IARS1: variants seen among roughly 807,000 people sequenced by gnomAD.
IARS1 encodes isoleucyl-tRNA synthetase 1.
IARS1 carries 124 observed loss-of-function variants against 168.2 expected under a neutral mutation model. The ratio of observed to expected loss-of-function variants is 0.74; its 90% confidence interval spans 0.64 to 0.86. The LOEUF (loss-of-function observed/expected upper bound fraction) is 0.86, where lower values mean the gene tolerates loss of function less well. Among genes scored for constraint, IARS1 ranks in the 40% least tolerant of loss-of-function variants. IARS1 has a pLI of 0.00. For synonymous variants in IARS1, 532 were observed against 529.4 expected (o/e 1.00, Z -0.07); for missense variants, 1,452 against 1,515.8 (o/e 0.96, Z 0.70).
At chr9:92,261,246 C>CT (rs1831481056) in intron 17 of IARS1, among the ~76,000 whole-genome samples, 1 of 151,632 alleles carries the variant, frequency 6.6e-6, no homozygotes, top group South Asian at 2.1e-4. Flanking sequence ...GAGGTGGAGG[C>CT]TGCAGTGAGC....
intron 30 of IARS1, chr9:92,240,581 G>T: frequency 1.5e-6 from 1 of 653,380 alleles, no homozygotes; most frequent in African/African-American, 1.9e-5. Flanking sequence ...TTTAATTGAG[G>T]CAGGATCTTA....
At chr9:92,234,596 C>T (rs1313122428) in intron 30 of IARS1, among the ~76,000 whole-genome samples, 1 of 152,206 alleles carries the variant, frequency 6.6e-6, no homozygotes. Flanking sequence ...TTCTTGTTTA[C>T]ATTACTGATG....
Position 92,277,902 on chromosome 9 carries a change from T to C in IARS1, c.855A>G (p.Lys285=). The C allele has an allele frequency of 6.2e-7, 1 of 1,613,882 alleles. No homozygotes were observed. The highest frequency in any genetic ancestry group is 8.5e-7 in the Non-Finnish European group (1 of 1,179,882). The change falls in exon 9 of 34, where the codon AAA becomes AAG. Residue 285 remains lysine (K), a synonymous_variant. Coordinates refer to ENST00000443024, the MANE Select transcript of IARS1 (RefSeq NM_002161.6). ...CAAACAGGGGCCTGTACTTCTTGCC[T>C]TTAAGATAGGCACCAGGAAATCTAG... is the stretch of plus-strand genomic sequence containing the variant. The part of the protein sequence containing the change: ...ILERFPGAYL[K]GKKYRPLFDY...
At chr9:92,216,305 C>T (rs1388074240) in intron 33 of IARS1, among the ~76,000 whole-genome samples, 5 of 151,532 alleles carry the variant, frequency 3.3e-5, no homozygotes, top group African/African-American at 1.2e-4. Context: ...CCGGTACCAG[C>T]TGCTGCAAAA....
chr9:92,256,658 G>A (rs1211053747), intron 20 of IARS1, 22 bp downstream of exon 20: 4 of 1,608,008 alleles, frequency 2.5e-6, no homozygotes, highest in Non-Finnish European at 2.6e-6. Context: ...ATTCCTGGGA[G>A]GACAGACCAA....
At chr9:92,247,044 A>G (rs931222806) in intron 26 of IARS1, among the ~76,000 whole-genome samples, 2 of 152,092 alleles carry the variant, frequency 1.3e-5, no homozygotes, top group Admixed American at 1.3e-4. Context: ...AAATACAAAA[A>G]TTAGCCAGGC....
In IARS1 at chr9:92,264,979, A is replaced by G. The variant is rs1832077321; in HGVS notation, c.1650T>C (p.Asp550=). ...YPFENKREFE[D]AFPADFIAEG... is the part of the protein sequence containing the mutation. ...CGGCAATGAAATCTGCAGGAAAAGC[A>G]TCCTCAAACTCCCTCTTGTTTTCAA... Residue 550 remains aspartate, a synonymous_variant, in exon 16 of 34, where the codon GAT becomes GAC. Transcript: ENST00000443024. 2 of 1,614,078 alleles carry G rather than the reference A, an allele frequency of 1.2e-6. No homozygotes were observed. The highest frequency in any genetic ancestry group is 1.7e-6 in the Non-Finnish European group (2 of 1,180,030).
intron 30 of IARS1, among the ~76,000 whole-genome samples, chr9:92,229,735 C>T (rs1395865388): frequency 6.6e-6 from 1 of 152,180 alleles, no homozygotes; most frequent in Non-Finnish European, 1.5e-5. Context: ...TGACATTTTA[C>T]AAAACTACAG....
chr9:92,253,760 C>A lies in IARS1; in HGVS notation c.2138-307G>T. On this transcript the variant is annotated intron_variant, in intron 20 of 33. Coordinates refer to ENST00000443024, the MANE Select transcript of IARS1 (RefSeq NM_002161.6). ...GATCAAAGTCCAAGACTGCCCACTA[C>A]ACAACTGTAGGAAGTGCCATTTACA... is the stretch of plus-strand genomic sequence containing the variant. 4 of 512,202 alleles carry A rather than the reference C, an allele frequency of 7.8e-6. No homozygotes were observed. The Admixed American group carries it at 9.1e-5, about 12-fold the overall frequency. 31.7% of individuals were successfully genotyped at this position (512,202 alleles called of 1,614,324 possible). A position where few individuals can be genotyped will look rare whatever the true frequency, so the allele number is the denominator to read the frequency against.
intron 31 of IARS1, 122 bp downstream of exon 31, chr9:92,228,879 G>C: frequency 9.3e-7 from 1 of 1,073,132 alleles, no homozygotes; most frequent in Non-Finnish European, 1.4e-6. Context: ...TGAAGAGTTG[G>C]GCCCTGACTC....
At chr9:92,282,297 ATT>A (rs1423141648) in intron 6 of IARS1, among the ~76,000 whole-genome samples, 1 of 151,442 alleles carries the variant, frequency 6.6e-6, no homozygotes, top group Non-Finnish European at 1.5e-5. Flanking sequence ...ATCAAAATTA[ATT>A]TTTTTCTTTT....
In IARS1 at chr9:92,268,419, C is replaced by T. The variant is rs539988360; in HGVS notation, c.1305-119G>A. On this transcript the variant is annotated intron_variant, in intron 13 of 33. Transcript: ENST00000443024. The stretch of plus-strand genomic sequence containing the variant: ...TGGACCAAACACTCTGGAAACGTGG[C>T]GCTCACTGCAAAGAGAATGTCTTCT... The T allele has an allele frequency of 1.6e-4, 149 of 943,280 alleles. 1 individual carries two copies. Among genetic ancestry groups the T allele is most frequent in the South Asian group, 1.3e-3 (86 of 67,328 alleles). 58.4% of individuals were successfully genotyped at this position (943,280 alleles called of 1,614,324 possible). A position where few individuals can be genotyped will look rare whatever the true frequency, so the allele number is the denominator to read the frequency against.
chr9:92,273,558 T>C (rs1442863882), intron 10 of IARS1, among the ~76,000 whole-genome samples: 1 of 152,202 alleles, frequency 6.6e-6, no homozygotes, highest in Non-Finnish European at 1.5e-5. Flanking sequence ...AAAGAATCTA[T>C]TATCATATTT....
Position 92,260,233 on chromosome 9 carries a change from C to G in IARS1, c.1789G>C (p.Asp597His), listed in dbSNP as rs1163483625. Residue 597 changes from aspartate to histidine, a missense_variant and splice_region_variant, in exon 18 of 34, where the codon GAT (aspartate) becomes CAT (histidine). By Grantham distance (81) the Asp-to-His change is moderately conservative. Coordinates refer to ENST00000443024, the MANE Select transcript of IARS1 (RefSeq NM_002161.6). ...VIVNGLVLAS[D>H]GQKMSKRKKN... is the part of the protein sequence containing the mutation. ...TTCCGTTTGCTCATTTTTTGGCCAT[C>G]ACTTGTAAAACAAAAGGGAGATGCC... 1 of 1,610,700 alleles carries G rather than the reference C, an allele frequency of 6.2e-7. No homozygotes were observed. Among genetic ancestry groups the G allele is most frequent in the East Asian group, 2.2e-5 (1 of 44,872 alleles).
intron 3 of IARS1, 53 bp downstream of exon 3, chr9:92,288,062 TATGACAAAATC>T: frequency 1.3e-6 from 2 of 1,547,330 alleles, no homozygotes; most frequent in Non-Finnish European, 1.8e-6. Flanking sequence ...GAACATATTA[TATGACAAAATC>T]TAATGCTTAT....
At chr9:92,266,972 T>C (rs1480137015) in intron 14 of IARS1, among the ~76,000 whole-genome samples, 3 of 152,204 alleles carry the variant, frequency 2.0e-5, no homozygotes, top group Non-Finnish European at 4.4e-5. Flanking sequence ...TTTCTAAACA[T>C]TACAAAACAC....
chr9:92,231,377 T>C (rs1416147485), intron 30 of IARS1, among the ~76,000 whole-genome samples: 1 of 152,030 alleles, frequency 6.6e-6, no homozygotes, highest in Non-Finnish European at 1.5e-5. Flanking sequence ...TACATGCCTG[T>C]GCATGTAGGT....
rs779275747 is a variant in IARS1 at position 92,269,860 on chromosome 9, T to C, written c.1304+25A>G. 8 of 1,500,938 alleles carry C rather than the reference T, an allele frequency of 5.3e-6. No homozygotes were observed. In the South Asian group the frequency reaches 7.9e-5, roughly 15 times the overall value. 93.0% of individuals were successfully genotyped at this position (1,500,938 alleles called of 1,614,324 possible). On this transcript the variant is annotated intron_variant, in intron 13 of 33. Transcript: ENST00000443024. ...ACTAACCACATGACAAAAGACACTATGAAGAAACACATCTTACTGCTCACC... is the reference window on the plus strand; with the variant it reads ...ACTAACCACATGACAAAAGACACTACGAAGAAACACATCTTACTGCTCACC...
intron 21 of IARS1, 116 bp downstream of exon 21, chr9:92,253,246 G>T: frequency 2.9e-6 from 2 of 693,382 alleles, no homozygotes; most frequent in Admixed American, 2.6e-5. Flanking sequence ...GAAAAACAAA[G>T]CTTCAAAAAC....
Sources: gnomAD v4.1 joint callset for allele counts (sites outside exome capture counted in the v4.1 genomes callset) on GRCh38, gnomAD v4.1.1 for gene constraint, MANE v1.5 for transcripts, NCBI Gene and HGNC (gene_info 2026-07-23, HGNC 2026-07-21) for gene names.